The following ZSCAN23 variants were observed in gnomAD, a reference collection of about 807,000 sequenced individuals.
ZSCAN23 encodes the protein zinc finger and SCAN domain-containing protein 23.
ZSCAN23 carries 19 observed loss-of-function variants against 19.3 expected under a neutral mutation model. The observed-to-expected ratio is 0.99, with a 90% CI of 0.69 to 1.45. The LOEUF is 1.45. Among genes scored for constraint, ZSCAN23 ranks in the 40% most tolerant of loss-of-function variants. ZSCAN23 has a pLI of 0.00. For synonymous variants in ZSCAN23, 140 were observed against 166.2 expected (o/e 0.84, Z 1.21); for missense variants, 372 against 462.5 (o/e 0.80, Z 1.79).
rs1242682336 is a variant in ZSCAN23, at chr6:28,433,496, C to G, written c.*969G>C. The stretch of plus-strand genomic sequence containing the variant: ...TGTTTTCACCATAGGTTTTCCATTT[C>G]TTTGTCTCCTGGACCTTGTGTAAAG... On this transcript the variant is annotated 3_prime_UTR_variant, in exon 4 of 4. Transcript: ENST00000289788. 6.6e-6 allele frequency: 1 copy of G among 151,904 alleles called. No individual in the cohort carries two copies. The highest frequency in any genetic ancestry group is 1.5e-5 in the Non-Finnish European group (1 of 67,932). 9.4% of individuals were successfully genotyped at this position (151,904 alleles called of 1,614,324 possible).
At chr6:28,439,980 GAAAATA>G (rs1369475900) in intron 1 of ZSCAN23, among the ~76,000 whole-genome samples, 2 of 152,170 alleles carry the variant, frequency 1.3e-5, no homozygotes, top group South Asian at 4.1e-4. Flanking sequence ...ATGCTATAGA[GAAAATA>G]AAGGTAAGGA....
downstream of ZSCAN23, among the ~76,000 whole-genome samples, chr6:28,427,652 A>T (rs1196802028): frequency 1.3e-5 from 2 of 152,236 alleles, no homozygotes; most frequent in Non-Finnish European, 2.9e-5. Flanking sequence ...TGGAACTATT[A>T]TTGTACACGT....
chr6:28,436,475 T>A, intron 1 of ZSCAN23, 132 bp from the exon 2 acceptor site: 1 of 463,512 alleles, frequency 2.2e-6, no homozygotes, highest in Non-Finnish European at 3.7e-6. Flanking sequence ...TAATGATAGA[T>A]ACTTTAGAAA....
At chr6:28,432,385 T>C (rs2023493), downstream of ZSCAN23, among the ~76,000 whole-genome samples, 81,998 of 152,010 alleles carry the variant, frequency 0.54, 25,799 homozygotes, top group African/African-American at 0.88. Flanking sequence ...AAAAAATACT[T>C]TTCAGGAAAT....
downstream of ZSCAN23, among the ~76,000 whole-genome samples, chr6:28,427,884 A>T (rs1761689461): frequency 6.6e-6 from 1 of 152,146 alleles, no homozygotes. Context: ...GTTCGACACC[A>T]GCTTGACCAA....
At chr6:28,428,031 G>C (rs1242368737), downstream of ZSCAN23, among the ~76,000 whole-genome samples, 1 of 152,150 alleles carries the variant, frequency 6.6e-6, no homozygotes, top group Non-Finnish European at 1.5e-5. Context: ...AGCTGAGGTT[G>C]AGCCATTGCA....
At chr6:28,439,379 G>A (rs900536653) in intron 1 of ZSCAN23, among the ~76,000 whole-genome samples, 4 of 152,010 alleles carry the variant, frequency 2.6e-5, no homozygotes, top group African/African-American at 9.7e-5. Context: ...GAGCCACCAC[G>A]CCCAGCCTTC....
rs1325754146 is a variant in ZSCAN23 at position 28,434,989 on chromosome 6, G to C, written c.646C>G (p.Gln216Glu). Reference sequence around the variant, plus strand: ...GGAATCTGAGTAATATTACCATTCTGTTTTCCAAGAACTTGTATAAGAGAT... The same window carrying C: ...GGAATCTGAGTAATATTACCATTCTCTTTTCCAAGAACTTGTATAAGAGAT... ...VKSLIQVLGK[Q>E]NGNITQIPEY... Residue 216 changes from glutamine (Q) to glutamate (E), a missense_variant, in exon 4 of 4, where the codon CAG (glutamine) becomes GAG (glutamate). Transcript: ENST00000289788. The C allele has an allele frequency of 3.2e-6, 5 of 1,551,560 alleles. No individual in the cohort carries two copies. Among genetic ancestry groups the C allele is most frequent in the Admixed American group, 2.0e-5 (1 of 50,986 alleles).
At chr6:28,429,479 T>G (rs57154605), downstream of ZSCAN23, among the ~76,000 whole-genome samples, 630 of 152,300 alleles carry the variant, frequency 4.1e-3, 6 homozygotes, top group African/African-American at 0.014. Flanking sequence ...GGGATTTTTA[T>G]GAAAACTCTG....
intron 2 of ZSCAN23, 38 bp downstream of exon 2, chr6:28,435,821 T>A (rs1433723673): frequency 9.2e-6 from 14 of 1,518,004 alleles, no homozygotes; most frequent in Non-Finnish European, 1.2e-5. Flanking sequence ...CCATACTTGT[T>A]CTTATAGGTA....
chr6:28,434,984 A>G lies in ZSCAN23; in HGVS notation c.651T>C (p.Asn217=), dbSNP rs768888554. ...ACTCAGGAATCTGAGTAATATTACC[A>G]TTCTGTTTTCCAAGAACTTGTATAA... ...KSLIQVLGKQ[N]GNITQIPEYG... Residue 217 remains asparagine (N), a synonymous_variant, in exon 4 of 4, where the codon AAT becomes AAC. Coordinates refer to ENST00000289788, the MANE Select transcript of ZSCAN23 (RefSeq NM_001012455.2). 6.4e-7 allele frequency: 1 copy of G among 1,551,748 alleles called. No homozygotes were observed. Among genetic ancestry groups the G allele is most frequent in the South Asian group, 1.2e-5 (1 of 84,062 alleles).
chr6:28,434,915 C>G lies in ZSCAN23; in HGVS notation c.720G>C (p.Arg240Ser), dbSNP rs776945476. 34 of 1,552,268 alleles carry G rather than the reference C, an allele frequency of 2.2e-5. No individual in the cohort carries two copies. In the African/African-American group the frequency reaches 4.1e-4, roughly 19 times the overall value. Reference protein sequence around the residue: ...CDREGRLEKQRVSSSVERPYI... With the variant: ...CDREGRLEKQSVSSSVERPYI... ...AGGGTCTCTCCACTGAAGAGCTCAC[C>G]CTTTGCTTTTCCAATCTGCCCTCAC... The change falls in exon 4 of 4, where the codon AGG becomes AGC. Residue 240 changes from arginine (R) to serine (S), a missense_variant. Transcript: ENST00000289788.
At chr6:28,426,833 G>C in the ZSCAN23 span, among the ~76,000 whole-genome samples, 40 of 152,330 alleles carry the variant, frequency 2.6e-4, no homozygotes, top group East Asian at 7.3e-3. Context: ...GTTTGAGACA[G>C]AGTTTTTTCT....
In ZSCAN23 at chr6:28,436,124, C is replaced by T. The variant is rs763842648; in HGVS notation, c.143G>A (p.Arg48His). Residue 48 changes from arginine to histidine, a missense_variant, in exon 2 of 4, where the codon CGT (arginine) becomes CAT (histidine). Arg to His is a conservative substitution (Grantham distance 29). Transcript: ENST00000289788. ...RNNPHTREIF[R>H]RRFRQFCYQE... The stretch of plus-strand genomic sequence containing the variant: ...ATAGCAGAACTGCCTGAAGCGTCTA[C>T]GAAAGATCTCTCTGGTATGAGGGTT... 3.4e-5 allele frequency: 54 copies of T among 1,609,924 alleles called. No individual in the cohort carries two copies. The highest frequency in any genetic ancestry group is 6.7e-5 in the East Asian group (3 of 44,812).
Position 28,434,858 on chromosome 6 carries a change from G to A in ZSCAN23, c.777C>T (p.Thr259=). The change falls in exon 4 of 4, where the codon ACC becomes ACT. Residue 259 remains threonine, a synonymous_variant. Coordinates refer to ENST00000289788, the MANE Select transcript of ZSCAN23 (RefSeq NM_001012455.2). ...YICSECGKSF[T]QNSILIEHQR... ...GGTGCTCGATAAGGATGGAATTCTG[G>A]GTGAAGCTTTTTCCACATTCACTAC... 6.4e-7 allele frequency: 1 copy of A among 1,572,168 alleles called. No individual in the cohort carries two copies. The highest frequency in any genetic ancestry group is 8.6e-7 in the Non-Finnish European group (1 of 1,158,642).
In ZSCAN23 at chr6:28,435,088, CGATAACATGAAA is replaced by C; in HGVS notation, c.557-22_557-11del. 6.6e-7 allele frequency: 1 copy of C among 1,512,530 alleles called. No individual in the cohort carries two copies. Among genetic ancestry groups the C allele is most frequent in the Non-Finnish European group, 8.9e-7 (1 of 1,129,054 alleles). 93.7% of individuals were successfully genotyped at this position (1,512,530 alleles called of 1,614,324 possible). A position where few individuals can be genotyped will look rare whatever the true frequency, so the allele number is the denominator to read the frequency against. ...GTCCCAGCCTTGCCATCTAAAATAA[CGATAACATGAAA>C]GATAACATGAAGTATGAAAAATAAC... On this transcript the variant is annotated splice_polypyrimidine_tract_variant and intron_variant, in intron 3 of 3. Coordinates refer to ENST00000289788, the MANE Select transcript of ZSCAN23 (RefSeq NM_001012455.2).
the ZSCAN23 span, among the ~76,000 whole-genome samples, chr6:28,423,743 C>T: frequency 6.6e-6 from 1 of 152,182 alleles, no homozygotes; most frequent in Non-Finnish European, 1.5e-5. Flanking sequence ...AGAAGACTGG[C>T]TCACTGCAGC....
downstream of ZSCAN23, among the ~76,000 whole-genome samples, chr6:28,428,549 G>A (rs1045540793): frequency 6.6e-6 from 1 of 152,050 alleles, no homozygotes; most frequent in African/African-American, 2.4e-5. Flanking sequence ...GTTCCACTTG[G>A]TGCCCTCTTT....
chr6:28,439,719 G>A (rs1445800682), intron 1 of ZSCAN23, among the ~76,000 whole-genome samples: 2 of 152,116 alleles, frequency 1.3e-5, no homozygotes, highest in African/African-American at 4.8e-5. Context: ...CCATGAATAA[G>A]GTGCTATTAT....
Sources: allele counts gnomAD v4.1 joint callset (sites outside exome capture counted in the v4.1 genomes callset), GRCh38; gene constraint gnomAD v4.1.1; transcripts MANE v1.5; gene names NCBI Gene and HGNC (gene_info 2026-07-23, HGNC 2026-07-21).